Variants in ULK4 observed in about 807,000 individuals in gnomAD.
ULK4 encodes the protein unc-51 like kinase 4, also known as inactive serine/threonine-protein kinase ULK4.
ULK4 carries 133 observed loss-of-function variants against 160.6 expected under a neutral mutation model. That is an observed-to-expected ratio of 0.83 (90% confidence interval 0.72 to 0.96). The LOEUF is 0.96. Ranked by LOEUF, ULK4 falls within the 40% of genes least tolerant of loss-of-function variation. The probability of loss-of-function intolerance (pLI) is 0.00; values close to 1 mark genes in which losing one functional copy is unlikely to be tolerated. For synonymous variants in ULK4, 534 were observed against 539.8 expected, an observed-to-expected ratio of 0.99 and a Z score of 0.15; for missense variants, 1,580 against 1,499.5, an observed-to-expected ratio of 1.05 and a Z score of -0.89.
At chr3:41,374,254 AG>A (rs1163930734) in intron 35 of ULK4, among the ~76,000 whole-genome samples, 1 of 152,226 alleles carries the variant, frequency 6.6e-6, no homozygotes, top group African/African-American at 2.4e-5. Context: ...TCCAAACAAC[AG>A]AAAAAGAGGG....
At chr3:41,885,938 A>C (rs1304003675) in intron 16 of ULK4, among the ~76,000 whole-genome samples, 1 of 152,116 alleles carries the variant, frequency 6.6e-6, no homozygotes, top group African/African-American at 2.4e-5. Flanking sequence ...TCAAACTCCC[A>C]AAGTGCTAGG....
intron 35 of ULK4, among the ~76,000 whole-genome samples, chr3:41,282,226 C>T (rs2079370488): frequency 6.6e-6 from 1 of 152,140 alleles, no homozygotes; most frequent in Non-Finnish European, 1.5e-5. Context: ...GCCATACTGC[C>T]CAAGGTAATT....
chr3:41,262,025 T>C (rs988002716), intron 35 of ULK4, among the ~76,000 whole-genome samples: 6 of 152,200 alleles, frequency 3.9e-5, no homozygotes, highest in Non-Finnish European at 7.3e-5. Flanking sequence ...CGGTGATTAG[T>C]AGTGGAGTTG....
At chr3:41,496,355 G>A (rs1280378902) in intron 32 of ULK4, among the ~76,000 whole-genome samples, 1 of 152,062 alleles carries the variant, frequency 6.6e-6, no homozygotes. Flanking sequence ...TCAGGCAACT[G>A]TTTTTCAAAT....
intron 22 of ULK4, among the ~76,000 whole-genome samples, chr3:41,726,053 A>T (rs1215626008): frequency 6.6e-6 from 1 of 152,204 alleles, no homozygotes; most frequent in Non-Finnish European, 1.5e-5. Flanking sequence ...TACAGAGTAT[A>T]AAAAAAGCAA....
At chr3:41,658,605 C>CTATG (rs1252765130) in intron 30 of ULK4, among the ~76,000 whole-genome samples, 7 of 152,118 alleles carry the variant, frequency 4.6e-5, no homozygotes, top group African/African-American at 7.2e-5. Flanking sequence ...AAATGCAACG[C>CTATG]TATGTATCTG....
intron 5 of ULK4, among the ~76,000 whole-genome samples, chr3:41,926,682 C>G (rs144944690): frequency 3.3e-5 from 5 of 151,378 alleles, no homozygotes; most frequent in African/African-American, 1.2e-4. Context: ...AAAAACACAG[C>G]ACGAGAACTT....
chr3:41,927,314 AC>A (rs1324184056), intron 5 of ULK4, among the ~76,000 whole-genome samples: 1 of 152,254 alleles, frequency 6.6e-6, no homozygotes, highest in African/African-American at 2.4e-5. Flanking sequence ...TCTTCTCACA[AC>A]CAGGCCTGCC....
At chr3:41,751,617 AAGTCAC>A (rs1413855836) in intron 22 of ULK4, among the ~76,000 whole-genome samples, 2 of 152,192 alleles carry the variant, frequency 1.3e-5, no homozygotes, top group Non-Finnish European at 1.5e-5. Context: ...ATTCAGAGAT[AAGTCAC>A]AGCAATTCCC....
intron 21 of ULK4, among the ~76,000 whole-genome samples, chr3:41,770,234 A>G (rs2039306713): frequency 6.6e-6 from 1 of 152,196 alleles, no homozygotes; most frequent in Admixed American, 6.5e-5. Context: ...ATTAAATTTC[A>G]TAGTGATCTT....
chr3:41,861,864 C>G (rs2042504765), intron 17 of ULK4, among the ~76,000 whole-genome samples: 1 of 152,100 alleles, frequency 6.6e-6, no homozygotes, highest in Non-Finnish European at 1.5e-5. Context: ...CTCTGTCACC[C>G]AGGCTGGAGT....
At chr3:41,815,347 GTTTC>G (rs1268932953) in intron 19 of ULK4, among the ~76,000 whole-genome samples, 2 of 151,086 alleles carry the variant, frequency 1.3e-5, no homozygotes, top group Non-Finnish European at 2.9e-5. Context: ...TGTCTTTTTT[GTTTC>G]TTTTTTTCCT....
Position 41,816,177 on chromosome 3 carries a change from C to T in ULK4, c.1848+3246G>A, listed in dbSNP as rs181428707. Among the ~76,000 whole-genome samples, 7 of 151,992 alleles carry T rather than the reference C, an allele frequency of 4.6e-5. No individual in the cohort carries two copies. In the East Asian group the frequency reaches 1.4e-3, roughly 29 times the overall value. The stretch of plus-strand genomic sequence containing the variant: ...GCTACATTAAAATTAAGAACTCCTG[C>T]CTATCAATAGACACTGTAAAGAAAA... On this transcript the variant is annotated intron_variant, in intron 19 of 36. Coordinates refer to ENST00000301831, the MANE Select transcript of ULK4 (RefSeq NM_017886.4).
intron 2 of ULK4, among the ~76,000 whole-genome samples, chr3:41,942,081 T>C (rs1038109512): frequency 6.6e-6 from 1 of 152,138 alleles, no homozygotes; most frequent in Non-Finnish European, 1.5e-5. Context: ...TCCACAGACC[T>C]GCGGTGTTCA....
intron 25 of ULK4, among the ~76,000 whole-genome samples, chr3:41,707,991 T>C (rs899769356): frequency 2.0e-5 from 3 of 151,914 alleles, no homozygotes; most frequent in Non-Finnish European, 2.9e-5. Context: ...AGAATGGCTA[T>C]TATCAAAAAG....
intron 31 of ULK4, among the ~76,000 whole-genome samples, chr3:41,590,002 T>G (rs577889562): frequency 6.6e-6 from 1 of 151,232 alleles, no homozygotes; most frequent in Non-Finnish European, 1.5e-5. Context: ...AAATGCAAGG[T>G]TTTTTTTGTT....
chr3:41,951,144 C>CAAAAAAAAAAA (rs34524276), intron 2 of ULK4, among the ~76,000 whole-genome samples: 9 of 64,640 alleles, frequency 1.4e-4, no homozygotes, highest in Middle Eastern at 0.015. Context: ...GGCTTCGTCT[C>CAAAAAAAAAAA]AAAAAAAAAA....
intron 17 of ULK4, among the ~76,000 whole-genome samples, chr3:41,841,390 C>T (rs1447030403): frequency 6.7e-6 from 1 of 150,260 alleles, no homozygotes; most frequent in African/African-American, 2.5e-5. Flanking sequence ...GGCTGCCCTT[C>T]GTGTGGGAGG....
chr3:41,644,498 T>A (rs937156622), intron 30 of ULK4, among the ~76,000 whole-genome samples: 53 of 152,230 alleles, frequency 3.5e-4, no homozygotes, highest in Admixed American at 8.5e-4. Flanking sequence ...ATTACATTTA[T>A]TGATTTGTGT....
Sources: gnomAD v4.1 joint callset for allele counts (sites outside exome capture counted in the v4.1 genomes callset) on GRCh38, gnomAD v4.1.1 for gene constraint, MANE v1.5 for transcripts, NCBI Gene and HGNC (gene_info 2026-07-23, HGNC 2026-07-21) for gene names.